The following LPGAT1 variants were observed in gnomAD, a reference collection of about 807,000 sequenced individuals.
LPGAT1 encodes the protein acyl-CoA:lysophosphatidylglycerol acyltransferase 1.
In LPGAT1, 11 loss-of-function variants were observed where a neutral mutation model predicts 47.5. The observed-to-expected ratio is 0.23, with a 90% CI of 0.15 to 0.38. The LOEUF (loss-of-function observed/expected upper bound fraction) is 0.38. LPGAT1 is among the 10% of genes least tolerant of loss of function. LPGAT1 has a pLI of 1.00. For synonymous variants in LPGAT1, 138 were observed against 144.2 expected (o/e 0.96, Z 0.31); for missense variants, 293 against 439.0 (o/e 0.67, Z 2.97).
chr1:211,791,284 C>T (rs1659100788), intron 3 of LPGAT1, among the ~76,000 whole-genome samples: 1 of 152,194 alleles, frequency 6.6e-6, no homozygotes, highest in Non-Finnish European at 1.5e-5. Flanking sequence ...CTTATTCTCA[C>T]TTTGATGTTT....
Position 211,783,277 on chromosome 1 carries a change from C to T in LPGAT1, c.679G>A (p.Ala227Thr), listed in dbSNP as rs1658716439. 1 of 1,614,114 alleles carries T rather than the reference C, an allele frequency of 6.2e-7. No individual in the cohort carries two copies. Among genetic ancestry groups the T allele is most frequent in the Non-Finnish European group, 8.5e-7 (1 of 1,179,968 alleles). The part of the protein sequence containing the change: ...ATKIILNALV[A>T]QQKNGSPAGG... ...GCTGGACTTCCATTTTTCTGTTGTG[C>T]TACAAGTGCATTCAAAATAATTTTT... is the stretch of plus-strand genomic sequence containing the variant. The change falls in exon 5 of 8, where the codon GCA becomes ACA. Residue 227 changes from alanine to threonine, a missense_variant. By Grantham distance (58) the Ala-to-Thr change is moderately conservative. Coordinates refer to ENST00000366997, the MANE Select transcript of LPGAT1 (RefSeq NM_014873.3).
intron 5 of LPGAT1, among the ~76,000 whole-genome samples, chr1:211,780,356 C>T (rs1445107582): frequency 6.6e-6 from 1 of 152,144 alleles, no homozygotes; most frequent in South Asian, 2.1e-4. Flanking sequence ...ATCCTTTGCA[C>T]ACTGTTTTTA....
rs905070357 is a variant in LPGAT1 at position 211,830,161 on chromosome 1, G to A, written c.-28+412C>T. On this transcript the variant is annotated intron_variant, in intron 1 of 7. Coordinates refer to ENST00000366997, the MANE Select transcript of LPGAT1 (RefSeq NM_014873.3). This position sits in a 1 kb window ranked among gnomAD's most constrained non-coding sequence, Gnocchi z 5.9. ...ATGTGGAAGGGTCGTGGCGGCGGGC[G>A]CGGCCCGCGCGCCGGGCTCACCTCG... 2.0e-6 allele frequency: 2 copies of A among 983,000 alleles called. No homozygotes were observed. The highest frequency in any genetic ancestry group is 1.8e-5 in the African/African-American group (1 of 56,930). 60.9% of individuals were successfully genotyped at this position (983,000 alleles called of 1,614,324 possible).
chr1:211,785,799 C>A (rs1658854815), intron 4 of LPGAT1, among the ~76,000 whole-genome samples: 1 of 151,868 alleles, frequency 6.6e-6, no homozygotes. Context: ...TAGAAACAGG[C>A]CTTCACCATG....
At chr1:211,777,488 C>G (rs895264877) in intron 6 of LPGAT1, among the ~76,000 whole-genome samples, 1 of 151,894 alleles carries the variant, frequency 6.6e-6, no homozygotes, top group African/African-American at 2.4e-5. Flanking sequence ...CCAAACAGGC[C>G]TTATCATGAA....
At chr1:211,750,577 T>A (rs1657134527) in intron 7 of LPGAT1, among the ~76,000 whole-genome samples, 1 of 152,238 alleles carries the variant, frequency 6.6e-6, no homozygotes, top group South Asian at 2.1e-4. Context: ...TTCCTCTATT[T>A]ACAAATTTTT....
rs1294299763 is a variant in LPGAT1 at position 211,747,077 on chromosome 1, A to G, written c.*2822T>C. 6.6e-6 allele frequency: 1 copy of G among 152,248 alleles called. No homozygotes were observed. Among genetic ancestry groups the G allele is most frequent in the East Asian group, 1.9e-4 (1 of 5,204 alleles). The allele number at this position is 152,248 out of a possible 1,614,324, so 9.4% of individuals were successfully genotyped here. A position where few individuals can be genotyped will look rare whatever the true frequency, so the allele number is the denominator to read the frequency against. ...ATCTTCTTTCCTCTTGACAAAATAT[A>G]TATACTTTAAACGTCCTTTCATCTC... On this transcript the variant is annotated 3_prime_UTR_variant, in exon 8 of 8. Coordinates refer to ENST00000366997, the MANE Select transcript of LPGAT1 (RefSeq NM_014873.3).
chr1:211,761,136 G>A (rs1431937602), intron 6 of LPGAT1, among the ~76,000 whole-genome samples: 1 of 152,228 alleles, frequency 6.6e-6, no homozygotes, highest in African/African-American at 2.4e-5. Context: ...GACACTCACT[G>A]CTTAGTATAA....
intron 6 of LPGAT1, among the ~76,000 whole-genome samples, chr1:211,757,422 A>G (rs373596516): frequency 1.8e-4 from 27 of 152,328 alleles, no homozygotes; most frequent in Middle Eastern, 6.8e-3. Flanking sequence ...CTAAATATGT[A>G]AAGTGCTTAC....
chr1:211,776,362 C>A (rs540051274), intron 6 of LPGAT1, among the ~76,000 whole-genome samples: 1 of 152,202 alleles, frequency 6.6e-6, no homozygotes, highest in African/African-American at 2.4e-5. Flanking sequence ...CATGGTGAAA[C>A]CCAGCCTCTA....
At position 211,762,412 on chromosome 1, in the gene LPGAT1, TTC is replaced by T. The variant is rs374830346; in HGVS notation, c.855-11347_855-11346del. On this transcript the variant is annotated intron_variant, in intron 6 of 7. Transcript: ENST00000366997. Reference sequence around the variant, plus strand: ...TGCCCAGAATAGCTGGGATATTCTCTTCTCTTAGGAGACAGCCAGGAGGGCAG... The same window carrying T: ...TGCCCAGAATAGCTGGGATATTCTCTTCTTAGGAGACAGCCAGGAGGGCAG... Among the ~76,000 whole-genome samples, 23 of 152,340 alleles carry T rather than the reference TTC, an allele frequency of 1.5e-4. No homozygotes were observed. The East Asian group carries it at 4.2e-3, about 28-fold the overall frequency.
At chr1:211,773,850 G>GT (rs1263073398) in intron 6 of LPGAT1, among the ~76,000 whole-genome samples, 1 of 152,020 alleles carries the variant, frequency 6.6e-6, no homozygotes, top group Non-Finnish European at 1.5e-5. Context: ...GTTTCCCTTA[G>GT]GTAAGTCTTA....
chr1:211,823,852 C>T (rs574804554), intron 2 of LPGAT1, among the ~76,000 whole-genome samples: 1 of 151,482 alleles, frequency 6.6e-6, no homozygotes, highest in African/African-American at 2.4e-5. Flanking sequence ...GCAGGAGAAT[C>T]GCTTTTGAGT....
intron 2 of LPGAT1, among the ~76,000 whole-genome samples, chr1:211,816,440 G>A (rs940960934): frequency 2.0e-5 from 3 of 152,086 alleles, no homozygotes; most frequent in Non-Finnish European, 4.4e-5. Flanking sequence ...TTGAAGCACT[G>A]CAAAATTTAC....
At chr1:211,768,152 G>C (rs997417769) in intron 6 of LPGAT1, among the ~76,000 whole-genome samples, 2 of 152,058 alleles carry the variant, frequency 1.3e-5, no homozygotes, top group South Asian at 2.1e-4. Context: ...TATGTAATTT[G>C]AGTATTTCAA....
At chr1:211,787,341 T>C (rs1331178418) in intron 4 of LPGAT1, among the ~76,000 whole-genome samples, 2 of 151,810 alleles carry the variant, frequency 1.3e-5, no homozygotes, top group Non-Finnish European at 2.9e-5. Context: ...AATACAAAAA[T>C]TAGCTGGGCG....
At chr1:211,753,750 G>C (rs1657309270) in intron 6 of LPGAT1, among the ~76,000 whole-genome samples, 1 of 152,236 alleles carries the variant, frequency 6.6e-6, no homozygotes, top group Non-Finnish European at 1.5e-5. Context: ...GTTTGCTTTA[G>C]TCTTTATCTT....
intron 6 of LPGAT1, among the ~76,000 whole-genome samples, chr1:211,761,029 T>TA (rs1657677208): frequency 6.6e-6 from 1 of 152,202 alleles, no homozygotes; most frequent in South Asian, 2.1e-4. Context: ...GCAGCCTATG[T>TA]AGCGCTTTTT....
At chr1:211,764,314 G>A (rs923811875) in intron 6 of LPGAT1, among the ~76,000 whole-genome samples, 1 of 152,162 alleles carries the variant, frequency 6.6e-6, no homozygotes, top group Non-Finnish European at 1.5e-5. Context: ...TTTGCACCCA[G>A]TGTATAAATC....
Sources: allele counts gnomAD v4.1 joint callset (sites outside exome capture counted in the v4.1 genomes callset), GRCh38; gene constraint gnomAD v4.1.1; non-coding constraint Gnocchi (gnomAD v3.1); transcripts MANE v1.5; gene names NCBI Gene and HGNC (gene_info 2026-07-23, HGNC 2026-07-21).